The following RARB variants were observed in gnomAD, a reference collection of about 807,000 sequenced individuals.
RARB encodes HBV-activated protein.
A neutral mutation model predicts 51.9 loss-of-function variants in RARB; 17 were observed. The observed-to-expected ratio is 0.33, with a 90% CI of 0.22 to 0.49. The LOEUF is 0.49. Among genes scored for constraint, RARB ranks in the 20% least tolerant of loss-of-function variants. The pLI, the probability that RARB is intolerant of heterozygous loss-of-function variation, is 0.99. For missense variants in RARB, 369 were observed against 550.8 expected, an observed-to-expected ratio of 0.67 and a Z score of 3.30; for synonymous variants, 215 against 195.4, an observed-to-expected ratio of 1.10 and a Z score of -0.84.
At chr3:24,945,320 G>T (rs1238553298) in intron 2 of RARB, among the ~76,000 whole-genome samples, 1 of 152,158 alleles carries the variant, frequency 6.6e-6, no homozygotes, top group African/African-American at 2.4e-5. Flanking sequence ...TACACCCTTT[G>T]CCTACATCTG....
intron 3 of RARB, among the ~76,000 whole-genome samples, chr3:25,126,048 C>A (rs1371518279): frequency 6.6e-6 from 1 of 152,066 alleles, no homozygotes; most frequent in Non-Finnish European, 1.5e-5. Flanking sequence ...AGATTCACTG[C>A]CAGTTGAAAA....
intron 2 of RARB, among the ~76,000 whole-genome samples, chr3:25,491,949 A>C (rs1215121514): frequency 6.6e-6 from 1 of 151,304 alleles, no homozygotes. Flanking sequence ...TCAAAAAAAA[A>C]AAAAAATTAT....
At chr3:24,876,410 C>T (rs1213289777) in intron 2 of RARB, among the ~76,000 whole-genome samples, 1 of 151,952 alleles carries the variant, frequency 6.6e-6, no homozygotes, top group East Asian at 1.9e-4. Context: ...TGCTCTCTGC[C>T]TCATTTAATG....
intron 3 of RARB, among the ~76,000 whole-genome samples, chr3:25,534,103 A>G (rs879454333): frequency 9.2e-5 from 14 of 152,246 alleles, no homozygotes; most frequent in Non-Finnish European, 1.8e-4. Flanking sequence ...AGAGAATTAA[A>G]GGTTCAGTTT....
At chr3:25,372,377 A>G (rs1352255870) in intron 5 of RARB, among the ~76,000 whole-genome samples, 1 of 152,182 alleles carries the variant, frequency 6.6e-6, no homozygotes, top group Non-Finnish European at 1.5e-5. Flanking sequence ...GGACAAAATC[A>G]CTCCCACATG....
At chr3:25,140,875 G>T (rs577647261) in intron 4 of RARB, among the ~76,000 whole-genome samples, 1 of 152,102 alleles carries the variant, frequency 6.6e-6, no homozygotes, top group Non-Finnish European at 1.5e-5. Context: ...AAAAGGTTAT[G>T]ACTCACTGAA....
At position 25,183,578 on chromosome 3, in the gene RARB, T is replaced by C. The variant is rs559172279; in HGVS notation, c.178+9003T>C. ...TTCATATTACAAGTTCATATTCAAGTTTCAGTCACCGAGGGATTATTGGTG... is the reference window on the plus strand; with the variant it reads ...TTCATATTACAAGTTCATATTCAAGCTTCAGTCACCGAGGGATTATTGGTG... On this transcript the variant is annotated intron_variant, in intron 5 of 11. Transcript: ENST00000383772. 4.6e-5 allele frequency among the ~76,000 whole-genome samples: 7 copies of C among 152,320 alleles called. No individual in the cohort carries two copies. In the East Asian group the frequency reaches 1.4e-3, roughly 29 times the overall value.
At chr3:25,284,956 T>A (rs1452106529) in intron 5 of RARB, among the ~76,000 whole-genome samples, 1 of 152,212 alleles carries the variant, frequency 6.6e-6, no homozygotes, top group African/African-American at 2.4e-5. Context: ...TTACCAAATG[T>A]CCTTATAGCA....
intron 3 of RARB, among the ~76,000 whole-genome samples, chr3:25,119,442 G>A (rs559115773): frequency 9.9e-5 from 15 of 152,192 alleles, no homozygotes; most frequent in Admixed American, 5.9e-4. Flanking sequence ...TGTATTGTGA[G>A]GATTAAGCAA....
chr3:25,210,396 G>T (rs1014875509), intron 5 of RARB, among the ~76,000 whole-genome samples: 5 of 152,026 alleles, frequency 3.3e-5, no homozygotes, highest in Non-Finnish European at 5.9e-5. Context: ...CAGCCTACTT[G>T]AGTGAACAAG....
At chr3:24,993,733 A>G (rs1225451671) in intron 2 of RARB, among the ~76,000 whole-genome samples, 1 of 152,004 alleles carries the variant, frequency 6.6e-6, no homozygotes, top group East Asian at 1.9e-4. Flanking sequence ...AAAATTTTTT[A>G]GCTTTTGCCT....
chr3:24,963,102 C>A (rs1008885418), intron 2 of RARB, among the ~76,000 whole-genome samples: 1 of 152,116 alleles, frequency 6.6e-6, no homozygotes. Context: ...CTTCTAGATG[C>A]CTCAGGATTT....
chr3:25,488,933 C>G (rs991153305), intron 2 of RARB, among the ~76,000 whole-genome samples: 6 of 152,166 alleles, frequency 3.9e-5, no homozygotes, highest in Non-Finnish European at 8.8e-5. Context: ...CCCCTTCTCT[C>G]CAGTGTAATC....
At chr3:25,401,209 G>A (rs1422454789) in intron 5 of RARB, among the ~76,000 whole-genome samples, 1 of 152,104 alleles carries the variant, frequency 6.6e-6, no homozygotes, top group Non-Finnish European at 1.5e-5. Context: ...AGGGTAGGTG[G>A]ACCCAAGGTA....
At chr3:25,299,652 C>T (rs1703994096) in intron 5 of RARB, among the ~76,000 whole-genome samples, 1 of 152,006 alleles carries the variant, frequency 6.6e-6, no homozygotes, top group South Asian at 2.1e-4. Context: ...TTTAAAAGAC[C>T]ATACAATTGG....
intron 3 of RARB, among the ~76,000 whole-genome samples, chr3:25,502,336 G>C (rs879278768): frequency 1.3e-5 from 2 of 152,182 alleles, no homozygotes; most frequent in Admixed American, 6.5e-5. Context: ...ACTGGGAAAC[G>C]TGACCCTTGG....
intron 5 of RARB, among the ~76,000 whole-genome samples, chr3:25,197,850 A>G (rs569969288): frequency 2.6e-5 from 4 of 152,212 alleles, no homozygotes; most frequent in East Asian, 1.9e-4. Context: ...TAAAATCTTC[A>G]TACTACGCGA....
At chr3:25,263,709 A>G (rs912438737) in intron 5 of RARB, among the ~76,000 whole-genome samples, 9 of 152,144 alleles carry the variant, frequency 5.9e-5, no homozygotes, top group Admixed American at 4.6e-4. Flanking sequence ...ATGGATGATC[A>G]TTTTGTCAGT....
intron 5 of RARB, among the ~76,000 whole-genome samples, chr3:25,421,618 A>C (rs1383657647): frequency 4.0e-5 from 6 of 151,318 alleles, no homozygotes; most frequent in Non-Finnish European, 1.5e-5. Flanking sequence ...TTTCACTGTG[A>C]TGGTCTCAAT....
Sources: gnomAD v4.1 joint callset for allele counts (sites outside exome capture counted in the v4.1 genomes callset) on GRCh38, gnomAD v4.1.1 for gene constraint, MANE v1.5 for transcripts, NCBI Gene and HGNC (gene_info 2026-07-23, HGNC 2026-07-21) for gene names.